The following TANK variants were observed in gnomAD, a reference collection of about 807,000 sequenced individuals.
TANK encodes TRAF family member associated NFKB activator, also known as TRAF family member-associated NF-kappa-B activator.
Under a neutral mutation model 43.6 loss-of-function variants are expected in TANK, and 15 were observed. That is an observed-to-expected ratio of 0.34 (90% CI 0.23 to 0.53). TANK has a LOEUF of 0.53. Among genes scored for constraint, TANK ranks in the 20% least tolerant of loss-of-function variants. The probability of loss-of-function intolerance (pLI) is 0.94; values close to 1 mark genes in which losing one functional copy is unlikely to be tolerated. For synonymous variants in TANK, 162 were observed against 178.2 expected (o/e 0.91, Z 0.73); for missense variants, 417 against 498.6 (o/e 0.84, Z 1.56).
chr2:161,231,556 C>CT lies in TANK; in HGVS notation c.1101+6dup. On this transcript the variant is annotated splice_donor_region_variant and intron_variant, in intron 7 of 7. Coordinates refer to ENST00000392749, the MANE Select transcript of TANK (RefSeq NM_001199135.3). Reference sequence around the variant, plus strand: ...GCAATCCGAGGACCACAGCAGGTAACTGTTTTGCATTAACAAATATATTAT... The same window carrying CT: ...GCAATCCGAGGACCACAGCAGGTAACTTGTTTTGCATTAACAAATATATTAT... 6.2e-7 allele frequency: 1 copy of CT among 1,609,190 alleles called. No homozygotes were observed. Among genetic ancestry groups the CT allele is most frequent in the Non-Finnish European group, 8.5e-7 (1 of 1,179,088 alleles).
intron 1 of TANK, chr2:161,161,979 A>G (rs1684460862): frequency 6.6e-6 from 1 of 152,250 alleles, no homozygotes; most frequent in South Asian, 2.1e-4. Context: ...TCTTTTTATG[A>G]TTTACTCATT....
upstream of TANK, chr2:161,159,041 A>C (rs941868464): frequency 3.3e-5 from 5 of 152,220 alleles, no homozygotes; most frequent in Non-Finnish European, 7.3e-5. Context: ...AACACTTACA[A>C]CACCAAATGC....
chr2:161,233,893 C>G (rs932484173), intron 7 of TANK, among the ~76,000 whole-genome samples: 1 of 152,060 alleles, frequency 6.6e-6, no homozygotes, highest in Non-Finnish European at 1.5e-5. Flanking sequence ...CAAGTTAACT[C>G]TAACTAGATT....
intron 4 of TANK, chr2:161,219,855 T>A: frequency 2.5e-6 from 1 of 393,744 alleles, no homozygotes; most frequent in Non-Finnish European, 5.0e-6. Flanking sequence ...GACAAATGAA[T>A]CTTTATTTTC....
chr2:161,197,279 T>C (rs1445846714), intron 2 of TANK: 1 of 152,256 alleles, frequency 6.6e-6, no homozygotes, highest in African/African-American at 2.4e-5. Flanking sequence ...ATTTTGTCTC[T>C]TTGTAAACTT....
In TANK at chr2:161,187,178, C is replaced by T. The variant is rs550136356; in HGVS notation, c.99+7417C>T. ...TGGTGGCTCACACCTGTAATCCCAT[C>T]ACTTTGGGAGGCTGAGGCAGGTGGG... is the stretch of plus-strand genomic sequence containing the variant. On this transcript the variant is annotated intron_variant, in intron 2 of 7. Coordinates refer to ENST00000392749, the MANE Select transcript of TANK (RefSeq NM_001199135.3). 6.6e-5 allele frequency among the ~76,000 whole-genome samples: 10 copies of T among 152,252 alleles called. No homozygotes were observed. In the East Asian group the frequency reaches 1.9e-3, roughly 29 times the overall value.
At chr2:161,156,560 G>A (rs1377839601), upstream of TANK, among the ~76,000 whole-genome samples, 3 of 152,178 alleles carry the variant, frequency 2.0e-5, no homozygotes, top group Non-Finnish European at 4.4e-5. Flanking sequence ...TCTTTTCAAA[G>A]GGATGCTTTC....
In TANK at chr2:161,160,486, TGTGA is replaced by T. The variant is rs2105245116; in HGVS notation, c.-50+3_-50+6del. 6 of 1,251,792 alleles carry T rather than the reference TGTGA, an allele frequency of 4.8e-6. No homozygotes were observed. Among genetic ancestry groups the T allele is most frequent in the African/African-American group, 1.5e-5 (1 of 65,366 alleles). 77.5% of individuals were successfully genotyped at this position (1,251,792 alleles called of 1,614,324 possible). On this transcript the variant is annotated splice_donor_variant and splice_donor_region_variant and intron_variant, in intron 1 of 7. Coordinates refer to ENST00000392749, the MANE Select transcript of TANK (RefSeq NM_001199135.3). LOFTEE classifies it low-confidence loss of function (5UTR_SPLICE). ...GGAACGCAGCTGAAAGCGTGAACTG[TGTGA>T]GTAAGAAACTTTGTGAATTGGTGTG...
At chr2:161,148,131 A>G (rs1330138670) in intron 1 of TANK, among the ~76,000 whole-genome samples, 1 of 152,018 alleles carries the variant, frequency 6.6e-6, no homozygotes, top group Non-Finnish European at 1.5e-5. Flanking sequence ...ACTATTTTAC[A>G]CTCCAACCAG....
At chr2:161,193,660 T>A (rs1459833246) in intron 2 of TANK, among the ~76,000 whole-genome samples, 2 of 152,218 alleles carry the variant, frequency 1.3e-5, no homozygotes, top group Non-Finnish European at 1.5e-5. Flanking sequence ...AAATATGGTT[T>A]CCCTCTCCCA....
chr2:161,190,644 A>T (rs1685872294), intron 2 of TANK, among the ~76,000 whole-genome samples: 1 of 152,222 alleles, frequency 6.6e-6, no homozygotes. Flanking sequence ...AGAAAATTGT[A>T]CACGTGCTAC....
chr2:161,178,628 T>G (rs113335737), intron 1 of TANK, among the ~76,000 whole-genome samples: 1 of 152,204 alleles, frequency 6.6e-6, no homozygotes, highest in African/African-American at 2.4e-5. Flanking sequence ...AATACCAAAG[T>G]GTACACTTTA....
Position 161,148,961 on chromosome 2 carries a change from C to A in TANK, c.-50+11898C>A, listed in dbSNP as rs148352429. 2.6e-5 allele frequency among the ~76,000 whole-genome samples: 4 copies of A among 152,076 alleles called. No homozygotes were observed. In the East Asian group the frequency reaches 7.7e-4, roughly 29 times the overall value. ...AACTTTGTTTTTCCTTTGCAATATTCTTCTGGCTACACTTGCAATTTAATA... is the reference window on the plus strand; with the variant it reads ...AACTTTGTTTTTCCTTTGCAATATTATTCTGGCTACACTTGCAATTTAATA... On this transcript the variant is annotated intron_variant, in intron 1 of 7. Coordinates refer to the TANK transcript ENST00000259075.
chr2:161,145,713 C>G (rs1683891846), intron 1 of TANK, among the ~76,000 whole-genome samples: 1 of 151,904 alleles, frequency 6.6e-6, no homozygotes, highest in South Asian at 2.1e-4. Flanking sequence ...ATGGGCTTCC[C>G]TTTGTAGTTT....
At chr2:161,139,559 A>G (rs1683681712) in intron 1 of TANK, among the ~76,000 whole-genome samples, 1 of 152,236 alleles carries the variant, frequency 6.6e-6, no homozygotes, top group Non-Finnish European at 1.5e-5. Flanking sequence ...TGCTTTGGTA[A>G]TAAAGGTAGA....
chr2:161,187,424 G>T (rs557663010), intron 2 of TANK, among the ~76,000 whole-genome samples: 1 of 152,128 alleles, frequency 6.6e-6, no homozygotes, highest in Non-Finnish European at 1.5e-5. Context: ...GCAAGAGCCT[G>T]TCTCAAAAAT....
intron 1 of TANK, among the ~76,000 whole-genome samples, chr2:161,148,816 TA>T (rs1173307698): frequency 6.6e-6 from 1 of 152,182 alleles, no homozygotes; most frequent in Non-Finnish European, 1.5e-5. Flanking sequence ...TATAAGTGTT[TA>T]TTTTTGTACT....
intron 1 of TANK, among the ~76,000 whole-genome samples, chr2:161,153,388 T>G (rs963354642): frequency 6.6e-6 from 1 of 151,926 alleles, no homozygotes; most frequent in African/African-American, 2.4e-5. Context: ...GACTTTTTAT[T>G]TAAATTAAAA....
chr2:161,164,379 G>A (rs571199539), intron 1 of TANK, among the ~76,000 whole-genome samples: 25 of 152,226 alleles, frequency 1.6e-4, no homozygotes, highest in African/African-American at 6.0e-4. Context: ...TTATGCTGTG[G>A]CTGCCATTTC....
Sources: allele counts gnomAD v4.1 joint callset (sites outside exome capture counted in the v4.1 genomes callset), GRCh38; gene constraint gnomAD v4.1.1; transcripts MANE v1.5; gene names NCBI Gene and HGNC (gene_info 2026-07-23, HGNC 2026-07-21).